Variants in ERCC6 observed in about 807,000 individuals in gnomAD.
ERCC6 encodes DNA excision repair protein ERCC-6.
Under a neutral mutation model 158.7 loss-of-function variants are expected in ERCC6, and 116 were observed. The ratio of observed to expected loss-of-function variants is 0.73; its 90% confidence interval spans 0.63 to 0.85. The LOEUF is 0.85. Among genes scored for constraint, ERCC6 ranks in the 40% least tolerant of loss-of-function variants. The probability of loss-of-function intolerance (pLI) is 0.00; values close to 1 mark genes in which losing one functional copy is unlikely to be tolerated. For missense variants in ERCC6, 1,698 were observed against 1,799.4 expected, an observed-to-expected ratio of 0.94 and a Z score of 1.02; for synonymous variants, 678 against 659.3, an observed-to-expected ratio of 1.03 and a Z score of -0.43.
chr10:49,449,538 G>A (rs570602904), downstream of ERCC6, among the ~76,000 whole-genome samples: 2 of 139,154 alleles, frequency 1.4e-5, no homozygotes, highest in South Asian at 4.8e-4. Flanking sequence ...GAGTTTTATA[G>A]GTTTTGCTTT....
intron 5 of ERCC6, among the ~76,000 whole-genome samples, chr10:49,517,334 C>T (rs1161102486): frequency 6.6e-6 from 1 of 152,136 alleles, no homozygotes; most frequent in African/African-American, 2.4e-5. Flanking sequence ...ATGTACCTGT[C>T]TTTGGATACT....
intron 1 of ERCC6, among the ~76,000 whole-genome samples, chr10:49,538,567 C>CT (rs1448122872): frequency 1.3e-5 from 2 of 152,212 alleles, no homozygotes; most frequent in Admixed American, 1.3e-4. Context: ...CGCCCACACT[C>CT]TTATCAATTT....
chr10:49,473,321 T>C (rs759378877), intron 14 of ERCC6, among the ~76,000 whole-genome samples, 156 bp downstream of exon 14: 2 of 152,162 alleles, frequency 1.3e-5, no homozygotes, highest in South Asian at 2.1e-4. Context: ...TATCCAGAAG[T>C]AGGGCATAGA....
At chr10:49,481,269 CTTGT>C (rs1209859317) in intron 10 of ERCC6, among the ~76,000 whole-genome samples, 2 of 152,134 alleles carry the variant, frequency 1.3e-5, no homozygotes, top group South Asian at 2.1e-4. Context: ...AGAAGGTTTT[CTTGT>C]TTGTTTGTTC....
In ERCC6 at chr10:49,528,354, C is replaced by T. The variant is rs1590483935; in HGVS notation, c.652+63G>A. 6 of 1,576,004 alleles carry T rather than the reference C, an allele frequency of 3.8e-6. No homozygotes were observed. In the East Asian group the frequency reaches 1.3e-4, roughly 35 times the overall value. The stretch of plus-strand genomic sequence containing the variant: ...AGGCAAAGACTAAAGAGACACCCTC[C>T]ACTGACTACAGGCATCAGGCATCAA... On this transcript the variant is annotated intron_variant, in intron 4 of 20. Coordinates refer to ENST00000355832, the MANE Select transcript of ERCC6 (RefSeq NM_000124.4).
At chr10:49,531,728 T>C (rs4253019) in intron 2 of ERCC6, among the ~76,000 whole-genome samples, 2,702 of 152,298 alleles carry the variant, frequency 0.018, 72 homozygotes, top group African/African-American at 0.061. Flanking sequence ...AAACATGTCT[T>C]TGAAGTACCA....
chr10:49,475,335 CT>C, intron 12 of ERCC6: 1 of 409,536 alleles, frequency 2.4e-6, no homozygotes, highest in Non-Finnish European at 4.9e-6. Flanking sequence ...ACCTGTTTCT[CT>C]TTTTCCTTTT....
chr10:49,489,924 G>T (rs902324299), intron 8 of ERCC6, among the ~76,000 whole-genome samples: 1 of 151,626 alleles, frequency 6.6e-6, no homozygotes, highest in Admixed American at 6.6e-5. Flanking sequence ...TATTTTTTTT[G>T]AGCCCTAGCA....
intron 4 of ERCC6, among the ~76,000 whole-genome samples, chr10:49,527,717 T>A (rs185964855): frequency 1.1e-3 from 166 of 152,346 alleles, no homozygotes; most frequent in Non-Finnish European, 1.9e-3. Flanking sequence ...AATTAATTCT[T>A]CATAACAATT....
chr10:49,478,449 C>T lies in ERCC6; in HGVS notation c.2191G>A (p.Ala731Thr), dbSNP rs114423177. The T allele has an allele frequency of 1.9e-5, 30 of 1,612,628 alleles. No homozygotes were observed. The highest frequency in any genetic ancestry group is 1.4e-5 in the Non-Finnish European group (16 of 1,178,984). ...TTTATGGTATCTCGTAAGACACATG[C>T]ACACTTGTAAGCAGTTTTGACCTTT... Reference protein sequence around the residue: ...PVQVKTAYKCACVLRDTINPY... With the variant: ...PVQVKTAYKCTCVLRDTINPY... Residue 731 changes from alanine (A) to threonine (T), a missense_variant, in exon 11 of 21, where the codon GCA becomes ACA. Coordinates refer to ENST00000355832, the MANE Select transcript of ERCC6 (RefSeq NM_000124.4).
intron 8 of ERCC6, among the ~76,000 whole-genome samples, chr10:49,489,811 A>AC: frequency 6.6e-6 from 1 of 152,238 alleles, no homozygotes; most frequent in Admixed American, 6.5e-5. Context: ...ACTGTGAGTT[A>AC]TGGGATAGGT....
intron 6 of ERCC6, chr10:49,503,984 T>C (rs1470426110): frequency 6.6e-6 from 1 of 152,146 alleles, no homozygotes; most frequent in Non-Finnish European, 1.5e-5. Flanking sequence ...GATAGACAAA[T>C]ATACTTGCTG....
intron 18 of ERCC6, among the ~76,000 whole-genome samples, chr10:49,468,602 T>C (rs1427229497): frequency 6.6e-6 from 1 of 152,228 alleles, no homozygotes; most frequent in East Asian, 1.9e-4. Flanking sequence ...TGCAATTTGT[T>C]GTGCATATAT....
intron 1 of ERCC6, among the ~76,000 whole-genome samples, chr10:49,535,123 G>A (rs1248851083): frequency 2.0e-5 from 3 of 152,172 alleles, no homozygotes; most frequent in Admixed American, 2.0e-4. Flanking sequence ...AGGAAGTGAG[G>A]TTCAGAGCTA....
At chr10:49,452,139 C>T (rs1850427644), downstream of ERCC6, among the ~76,000 whole-genome samples, 1 of 151,534 alleles carries the variant, frequency 6.6e-6, no homozygotes, top group Non-Finnish European at 1.5e-5. Context: ...TTCCTTCCTT[C>T]TGCTTGCTTT....
intron 16 of ERCC6, 75 bp from the exon 17 acceptor site, chr10:49,471,195 A>AAG: frequency 6.8e-7 from 1 of 1,465,496 alleles, no homozygotes; most frequent in South Asian, 1.2e-5. Context: ...AAAGCAATAT[A>AAG]AGAGAGAGAT....
At chr10:49,466,414 C>T (rs1240952951) in intron 18 of ERCC6, among the ~76,000 whole-genome samples, 1 of 152,024 alleles carries the variant, frequency 6.6e-6, no homozygotes, top group African/African-American at 2.4e-5. Flanking sequence ...TGGAAAGGGC[C>T]CTAGGGTGCT....
At chr10:49,443,323 C>G in the ERCC6 span, among the ~76,000 whole-genome samples, 1 of 151,876 alleles carries the variant, frequency 6.6e-6, no homozygotes, top group Non-Finnish European at 1.5e-5. Flanking sequence ...AAAGTACACG[C>G]AAAAAAACTC....
chr10:49,535,025 G>A (rs908031505), intron 1 of ERCC6, among the ~76,000 whole-genome samples: 2 of 152,128 alleles, frequency 1.3e-5, no homozygotes, highest in Non-Finnish European at 2.9e-5. Flanking sequence ...TGGTGTCTGG[G>A]GCCCAAGAAA....
Sources: allele counts gnomAD v4.1 joint callset (sites outside exome capture counted in the v4.1 genomes callset), GRCh38; gene constraint gnomAD v4.1.1; transcripts MANE v1.5; gene names NCBI Gene and HGNC (gene_info 2026-07-23, HGNC 2026-07-21).